Variants in TBC1D1 observed in about 807,000 individuals in gnomAD.
TBC1D1 encodes the protein TBC1 (tre-2/USP6, BUB2, cdc16) domain family, member 1.
A neutral mutation model predicts 125.6 loss-of-function variants in TBC1D1; 89 were observed. The ratio of observed to expected loss-of-function variants is 0.71; its 90% CI spans 0.60 to 0.85. The LOEUF (loss-of-function observed/expected upper bound fraction) is 0.85, where lower values mean the gene tolerates loss of function less well. TBC1D1 is among the 40% of genes least tolerant of loss of function. TBC1D1 has a pLI of 0.00. For synonymous variants in TBC1D1, 565 were observed against 564.1 expected, an observed-to-expected ratio of 1.00 and a Z score of -0.02; for missense variants, 1,377 against 1,469.2, an observed-to-expected ratio of 0.94 and a Z score of 1.03.
At chr4:38,126,485 GA>G (rs748382018) in intron 18 of TBC1D1, among the ~76,000 whole-genome samples, 7 of 152,228 alleles carry the variant, frequency 4.6e-5, no homozygotes, top group Non-Finnish European at 8.8e-5. Flanking sequence ...GTTAAGCACA[GA>G]AAAAGATGCA....
chr4:38,129,618 GCGAGT>G (rs546208442), intron 18 of TBC1D1, among the ~76,000 whole-genome samples: 2 of 152,280 alleles, frequency 1.3e-5, no homozygotes, highest in East Asian at 3.9e-4. Flanking sequence ...AAGCTCTGTG[GCGAGT>G]TCTGCAAACC....
chr4:38,126,913 C>T (rs1764747350), intron 18 of TBC1D1, among the ~76,000 whole-genome samples: 1 of 152,174 alleles, frequency 6.6e-6, no homozygotes, highest in African/African-American at 2.4e-5. Context: ...TAGAGTTTTT[C>T]CCTATTTTAC....
intron 11 of TBC1D1, 120 bp downstream of exon 12, chr4:38,052,180 T>TGTGTGTGTGTGC (rs1474439438): frequency 1.3e-6 from 1 of 789,068 alleles, no homozygotes; most frequent in African/African-American, 1.8e-5. Context: ...TGTGTGTGTG[T>TGTGTGTGTGTGC]GTGTGTGTGT....
intron 2 of TBC1D1, among the ~76,000 whole-genome samples, chr4:37,976,618 T>A (rs1490082330): frequency 6.6e-6 from 1 of 151,788 alleles, no homozygotes; most frequent in East Asian, 1.9e-4. Context: ...ACCTGACACA[T>A]GCATAACACA....
At chr4:38,011,530 T>C (rs1482741243) in intron 2 of TBC1D1, among the ~76,000 whole-genome samples, 1 of 152,218 alleles carries the variant, frequency 6.6e-6, no homozygotes, top group East Asian at 1.9e-4. Context: ...ATTTGCAATT[T>C]GTTGTTGAAA....
At chr4:37,913,760 A>G (rs1200700488) in intron 2 of TBC1D1, among the ~76,000 whole-genome samples, 1 of 142,894 alleles carries the variant, frequency 7.0e-6, no homozygotes, top group Non-Finnish European at 1.5e-5. Context: ...TTCCTTCAAG[A>G]GTTATAGTGG....
intron 6 of TBC1D1, among the ~76,000 whole-genome samples, chr4:38,024,201 T>C (rs760138548): frequency 3.3e-5 from 5 of 152,332 alleles, no homozygotes; most frequent in Non-Finnish European, 7.3e-5. Flanking sequence ...TTATACAAAA[T>C]ATATCTGGGA....
intron 2 of TBC1D1, among the ~76,000 whole-genome samples, chr4:37,905,299 A>G (rs1210888467): frequency 1.3e-5 from 2 of 152,236 alleles, no homozygotes; most frequent in Non-Finnish European, 2.9e-5. Flanking sequence ...AGTTCAAGAC[A>G]CTTTTGTAAG....
rs776447276 is a variant in TBC1D1, at chr4:38,115,712, C to T, written c.2560C>T (p.Arg854Ter). The change falls in exon 16 of 20, where the codon CGA becomes TGA. Residue 854 changes from arginine to a stop codon, truncating the protein, a stop_gained and splice_region_variant. Transcript: ENST00000261439. LOFTEE classifies it high-confidence loss of function. ...ACTAATATGTATTCTTTTCACAGGG[C>T]GAACCTTTCCTACACACCCATACTT... is the stretch of plus-strand genomic sequence containing the variant. 9 of 1,612,910 alleles carry T rather than the reference C, an allele frequency of 5.6e-6. No individual in the cohort carries two copies. Among genetic ancestry groups the T allele is most frequent in the Non-Finnish European group, 5.9e-6 (7 of 1,179,380 alleles).
chr4:38,034,699 G>C (rs1417065592), intron 7 of TBC1D1, among the ~76,000 whole-genome samples: 1 of 152,220 alleles, frequency 6.6e-6, no homozygotes, highest in African/African-American at 2.4e-5. Flanking sequence ...GGAGTAGGGA[G>C]AGGGGAGGAA....
At chr4:37,893,979 C>A (rs1456596018) in intron 1 of TBC1D1, among the ~76,000 whole-genome samples, 1 of 144,806 alleles carries the variant, frequency 6.9e-6, no homozygotes, top group Non-Finnish European at 1.5e-5. Flanking sequence ...TTTCATGCTT[C>A]AAGGTTTTTG....
rs149591202 is a variant in TBC1D1, at chr4:37,961,122, A to C, written c.418-53387A>C. On this transcript the variant is annotated intron_variant, in intron 2 of 19. Transcript: ENST00000261439. ...GTTTAACAACATAATAAATACATAA[A>C]TATAAAGTGGGTCATATTCCTCTTT... 400 of 1,445,272 alleles carry C rather than the reference A, an allele frequency of 2.8e-4. 1 individual carries two copies. The African/African-American group carries it at 5.1e-3, about 18-fold the overall frequency. The allele number at this position is 1,445,272 out of a possible 1,614,324, so 89.5% of individuals were successfully genotyped here. A position where few individuals can be genotyped will look rare whatever the true frequency, so the allele number is the denominator to read the frequency against.
intron 15 of TBC1D1, among the ~76,000 whole-genome samples, chr4:38,115,190 T>C (rs1762784496): frequency 6.7e-6 from 1 of 150,174 alleles, no homozygotes; most frequent in African/African-American, 2.5e-5. Context: ...CATCTCTGCC[T>C]CCCAGGTTCA....
chr4:38,044,873 A>G (rs1021502968), intron 9 of TBC1D1, among the ~76,000 whole-genome samples: 2 of 152,242 alleles, frequency 1.3e-5, no homozygotes, highest in Admixed American at 6.5e-5. Context: ...CTAAAAGGCT[A>G]TATAGTAGGG....
At chr4:37,960,401 T>C in intron 2 of TBC1D1, 1 of 1,552,882 alleles carries the variant, frequency 6.4e-7, no homozygotes, top group African/African-American at 1.4e-5. Flanking sequence ...CGGTCTTAGA[T>C]GAATGTGGCT....
intron 2 of TBC1D1, among the ~76,000 whole-genome samples, chr4:37,989,322 CAG>C (rs1736079948): frequency 6.6e-6 from 1 of 152,208 alleles, no homozygotes. Context: ...AATTGCCACT[CAG>C]AAAATATTTG....
intron 2 of TBC1D1, among the ~76,000 whole-genome samples, chr4:37,950,781 G>A (rs138022369): frequency 1.0e-3 from 149 of 146,584 alleles, no homozygotes; most frequent in African/African-American, 3.6e-3. Flanking sequence ...TTTTTGAGAC[G>A]GAGTTTCGCT....
intron 15 of TBC1D1, among the ~76,000 whole-genome samples, chr4:38,115,208 C>A (rs1393944914): frequency 6.7e-6 from 1 of 149,666 alleles, no homozygotes; most frequent in Admixed American, 6.7e-5. Flanking sequence ...TCAAGCAATT[C>A]TCCTGCCTCA....
At position 38,066,980 on chromosome 4, in the gene TBC1D1, G is replaced by A. The variant is rs185346940; in HGVS notation, c.2050+12642G>A. Among the ~76,000 whole-genome samples the A allele has an allele frequency of 8.9e-3, 1,349 of 151,670 alleles. 19 individuals are homozygous for A. Among genetic ancestry groups the A allele is most frequent in the African/African-American group, 0.031 (1,283 of 41,358 alleles). On this transcript the variant is annotated intron_variant, in intron 12 of 19. Transcript: ENST00000261439. ...CAACCTCCGCCTCCTGGGTTCAAGC[G>A]ATTCTCCTGCCTCAGCCTCCCGAGT...
Sources: allele counts gnomAD v4.1 joint callset (sites outside exome capture counted in the v4.1 genomes callset), GRCh38; gene constraint gnomAD v4.1.1; transcripts MANE v1.5; gene names NCBI Gene and HGNC (gene_info 2026-07-23, HGNC 2026-07-21).